Variants in ATRN observed in about 807,000 individuals in gnomAD.
The protein encoded by ATRN is attractin, also known as attractin-2.
In ATRN, 54 loss-of-function variants were observed where a neutral mutation model predicts 178.7. The ratio of observed to expected loss-of-function variants is 0.30; its 90% CI spans 0.24 to 0.38. The LOEUF (loss-of-function observed/expected upper bound fraction) is 0.38, where lower values mean the gene tolerates loss of function less well. Ranked by LOEUF, ATRN falls within the 10% of genes least tolerant of loss-of-function variation. ATRN has a pLI of 1.00. For synonymous variants in ATRN, 636 were observed against 663.0 expected, an observed-to-expected ratio of 0.96 and a Z score of 0.63; for missense variants, 1,443 against 1,815.1, an observed-to-expected ratio of 0.79 and a Z score of 3.73.
intron 16 of ATRN, among the ~76,000 whole-genome samples, chr20:3,583,311 A>G (rs1228076693): frequency 3.3e-5 from 5 of 152,330 alleles, no homozygotes; most frequent in East Asian, 3.9e-4. Context: ...TGGGTCCCCA[A>G]ATTCTAAGGG....
At chr20:3,559,186 C>T (rs937637618) in intron 6 of ATRN, among the ~76,000 whole-genome samples, 10 of 152,038 alleles carry the variant, frequency 6.6e-5, no homozygotes, top group African/African-American at 2.2e-4. Flanking sequence ...TTTCTTTTCC[C>T]AGGATTTTGT....
intron 27 of ATRN, among the ~76,000 whole-genome samples, chr20:3,641,817 C>G (rs756296057): frequency 6.6e-6 from 1 of 151,864 alleles, no homozygotes; most frequent in Non-Finnish European, 1.5e-5. Flanking sequence ...ACCAGCAGAC[C>G]TGCACAAAAG....
At chr20:3,599,726 CAG>C (rs1033518290) in intron 22 of ATRN, among the ~76,000 whole-genome samples, 14 of 152,120 alleles carry the variant, frequency 9.2e-5, no homozygotes, top group African/African-American at 3.4e-4. Flanking sequence ...TGGGCATGCT[CAG>C]GGGGTCCTGG....
At chr20:3,501,561 G>A (rs2084965077) in intron 1 of ATRN, among the ~76,000 whole-genome samples, 4 of 152,198 alleles carry the variant, frequency 2.6e-5, no homozygotes, top group Admixed American at 2.6e-4. Context: ...CTTTTTCTAA[G>A]CCAGTGCTCC....
chr20:3,588,981 G>GTTTTTTTTTTTTTTTTTTT (rs386393128), intron 18 of ATRN, among the ~76,000 whole-genome samples: 30 of 99,784 alleles, frequency 3.0e-4, no homozygotes, highest in South Asian at 7.6e-4. Flanking sequence ...ATTTTCTTTT[G>GTTTTTTTTTTTTTTTTTTT]TTTTTTTTTT....
intron 1 of ATRN, among the ~76,000 whole-genome samples, chr20:3,525,537 C>G (rs1292728504): frequency 3.3e-5 from 5 of 152,220 alleles, no homozygotes; most frequent in African/African-American, 7.2e-5. Flanking sequence ...GGACTTCCCC[C>G]TAACTCATTT....
At position 3,646,707 on chromosome 20, in the gene ATRN, C is replaced by A. The variant is rs201752072; in HGVS notation, c.4166-16C>A. 3.7e-5 allele frequency: 59 copies of A among 1,589,576 alleles called. No homozygotes were observed. In the African/African-American group the frequency reaches 7.1e-4, roughly 19 times the overall value. On this transcript the variant is annotated splice_polypyrimidine_tract_variant and intron_variant, in intron 28 of 28. Transcript: ENST00000262919. ...CAGCTGCTCCCAGCATATGTTCTCT[C>A]TGTGGTTCTCCCAAGGTCTTGCTGT... is the stretch of plus-strand genomic sequence containing the variant.
At chr20:3,493,181 T>C (rs238719) in intron 1 of ATRN, among the ~76,000 whole-genome samples, 2,332 of 150,304 alleles carry the variant, frequency 0.016, 46 homozygotes, top group African/African-American at 0.042. Flanking sequence ...AGAGACAGGT[T>C]CTCACTCTGC....
Position 3,584,562 on chromosome 20 carries a change from G to A in ATRN, c.2951-85G>A, listed in dbSNP as rs528431643. The A allele has an allele frequency of 7.5e-6, 7 of 928,840 alleles. No individual in the cohort carries two copies. The South Asian group carries it at 1.2e-4, about 16-fold the overall frequency. The allele number at this position is 928,840 out of a possible 1,614,324, so 57.5% of individuals were successfully genotyped here. On this transcript the variant is annotated intron_variant, in intron 17 of 28. Coordinates refer to ENST00000262919, the MANE Select transcript of ATRN (RefSeq NM_139321.3). ...AGAATAATATTTTTGACTCAAGCCA[G>A]TTGAATAGTCTGTTAAAAAAAAAGT... is the stretch of plus-strand genomic sequence containing the variant.
intron 2 of ATRN, among the ~76,000 whole-genome samples, chr20:3,539,423 T>C (rs576821411): frequency 1.2e-3 from 190 of 152,314 alleles, no homozygotes; most frequent in Non-Finnish European, 2.3e-3. Flanking sequence ...GATTTGAATG[T>C]GGATGCAAAA....
In ATRN at chr20:3,549,327, C is replaced by T; in HGVS notation, c.1101C>T (p.Asn367=). The change falls in exon 6 of 29, where the codon AAC becomes AAT. Residue 367 remains asparagine (N), a synonymous_variant. Transcript: ENST00000262919. ...ATATGTTCAACCACTCAGATTATAA[C>T]ATGGTTCTAGCGTAAGTCGTTTTAA... ...GGYMFNHSDY[N]MVLAYDLASR... The T allele has an allele frequency of 6.3e-7, 1 of 1,586,504 alleles. No homozygotes were observed. Among genetic ancestry groups the T allele is most frequent in the Non-Finnish European group, 8.5e-7 (1 of 1,171,058 alleles).
intron 23 of ATRN, among the ~76,000 whole-genome samples, chr20:3,603,250 A>G (rs1042615396): frequency 6.6e-6 from 1 of 152,148 alleles, no homozygotes; most frequent in Non-Finnish European, 1.5e-5. Context: ...TCCCTGCTAC[A>G]GTGGGTTAGG....
At chr20:3,581,125 A>G (rs1238985386) in intron 15 of ATRN, among the ~76,000 whole-genome samples, 1 of 151,956 alleles carries the variant, frequency 6.6e-6, no homozygotes, top group Non-Finnish European at 1.5e-5. Flanking sequence ...GGTGGCACAT[A>G]CTTGTAGTTC....
At position 3,471,491 on chromosome 20, in the gene ATRN, A is replaced by G. The variant is rs778370767; in HGVS notation, c.384A>G (p.Gln128=). ...CVCPAGWVGE[Q]CQHCGGRFRL... ...GCCCCGCCGGCTGGGTGGGCGAGCA[A>G]TGCCAGCACTGCGGGGGCCGCTTCA... Residue 128 remains glutamine (Q), a synonymous_variant, in exon 1 of 29, where the codon CAA becomes CAG. Transcript: ENST00000262919. 26 of 1,407,038 alleles carry G rather than the reference A, an allele frequency of 1.8e-5. No homozygotes were observed. Among genetic ancestry groups the G allele is most frequent in the Middle Eastern group, 3.9e-4 (2 of 5,188 alleles). 87.2% of individuals were successfully genotyped at this position (1,407,038 alleles called of 1,614,324 possible). A position where few individuals can be genotyped will look rare whatever the true frequency, so the allele number is the denominator to read the frequency against.
At position 3,471,356 on chromosome 20, in the gene ATRN, CGCGGCG is replaced by C; in HGVS notation, c.263_268del (p.Ala88_Ala89del). 1.1e-5 allele frequency: 16 copies of C among 1,482,074 alleles called. No individual in the cohort carries two copies. The highest frequency in any genetic ancestry group is 4.2e-4 in the Middle Eastern group (2 of 4,796). The allele number at this position is 1,482,074 out of a possible 1,614,324, so 91.8% of individuals were successfully genotyped here. A position where few individuals can be genotyped will look rare whatever the true frequency, so the allele number is the denominator to read the frequency against. The stretch of plus-strand genomic sequence containing the variant: ...TGCTGCTGCCCTGTGAGGCCGAGGC[CGCGGCG>C]GCGGCGGCGGCGGTGTCGGGCTCAG... On this transcript the variant is annotated inframe_deletion, in exon 1 of 29. Transcript: ENST00000262919.
At chr20:3,478,189 CAG>C (rs1341493696) in intron 1 of ATRN, among the ~76,000 whole-genome samples, 1 of 152,158 alleles carries the variant, frequency 6.6e-6, no homozygotes, top group Non-Finnish European at 1.5e-5. Flanking sequence ...CTTACACCTG[CAG>C]AGTCTGCTTC....
intron 1 of ATRN, among the ~76,000 whole-genome samples, chr20:3,493,046 TTA>T (rs1306973372): frequency 6.8e-5 from 10 of 146,584 alleles, no homozygotes; most frequent in African/African-American, 2.2e-4. Flanking sequence ...AAATATATAA[TTA>T]TATATGTATT....
chr20:3,626,021 C>T (rs2086935837), intron 25 of ATRN, among the ~76,000 whole-genome samples: 1 of 152,022 alleles, frequency 6.6e-6, no homozygotes, highest in Non-Finnish European at 1.5e-5. Flanking sequence ...CACTTGAGCT[C>T]AGGAGTTCGA....
At chr20:3,596,270 A>G in intron 20 of ATRN, 107 bp from the exon 21 acceptor site, 2 of 1,176,438 alleles carry the variant, frequency 1.7e-6, no homozygotes, top group Non-Finnish European at 2.5e-6. Flanking sequence ...TGCAATTATA[A>G]TGGCTCCAGA....
Sources: gnomAD v4.1 joint callset for allele counts (sites outside exome capture counted in the v4.1 genomes callset) on GRCh38, gnomAD v4.1.1 for gene constraint, MANE v1.5 for transcripts, NCBI Gene and HGNC (gene_info 2026-07-23, HGNC 2026-07-21) for gene names.